Variants in NXN observed in about 807,000 individuals in gnomAD.
The protein encoded by NXN is nucleoredoxin 1.
In NXN, 16 loss-of-function variants were observed where a neutral mutation model predicts 48.6. That is an observed-to-expected ratio of 0.33 (90% confidence interval 0.22 to 0.50). The LOEUF (loss-of-function observed/expected upper bound fraction) is 0.50. Ranked by LOEUF, NXN falls within the 20% of genes least tolerant of loss-of-function variation. The probability of loss-of-function intolerance (pLI) is 0.98; values close to 1 mark genes in which losing one functional copy is unlikely to be tolerated. For synonymous variants in NXN, 281 were observed against 269.6 expected (o/e 1.04, Z -0.41); for missense variants, 492 against 605.5 (o/e 0.81, Z 1.97).
intron 1 of NXN, among the ~76,000 whole-genome samples, chr17:896,208 C>G (rs11247562): frequency 6.6e-6 from 1 of 151,506 alleles, no homozygotes; most frequent in Non-Finnish European, 1.5e-5. Context: ...GGCGTGGTGG[C>G]GCATGCCTGT....
chr17:805,419 A>C (rs1448223148), intron 5 of NXN, among the ~76,000 whole-genome samples, 172 bp from the exon 6 acceptor site: 2 of 152,080 alleles, frequency 1.3e-5, no homozygotes, highest in Non-Finnish European at 1.5e-5. Context: ...CCTGGGGAGA[A>C]TCCAGGCCTG....
chr17:870,715 A>G (rs2068142333), intron 1 of NXN, among the ~76,000 whole-genome samples: 1 of 151,664 alleles, frequency 6.6e-6, no homozygotes, highest in Admixed American at 6.6e-5. Flanking sequence ...CGATTGTGCT[A>G]CTGTATTCAA....
intron 1 of NXN, among the ~76,000 whole-genome samples, chr17:923,072 G>A (rs888571331): frequency 3.9e-5 from 6 of 151,960 alleles, no homozygotes; most frequent in African/African-American, 9.7e-5. Context: ...AAGTTCTCCC[G>A]GACTCTGTCT....
chr17:817,936 G>T (rs1427649365), intron 5 of NXN, among the ~76,000 whole-genome samples: 1 of 151,976 alleles, frequency 6.6e-6, no homozygotes, highest in African/African-American at 2.4e-5. Flanking sequence ...ACACGATAAA[G>T]AATAAAAATA....
chr17:959,245 C>T, intron 1 of NXN: 2 of 816,910 alleles, frequency 2.4e-6, no homozygotes, highest in Non-Finnish European at 3.5e-6. Context: ...CAGCTCCCAG[C>T]CCCTCCAAAG....
At chr17:863,771 A>G (rs1390986207) in intron 1 of NXN, 1 of 624,956 alleles carries the variant, frequency 1.6e-6, no homozygotes, top group Non-Finnish European at 2.8e-6. Context: ...CTGACACTGT[A>G]TTTTTGATTC....
intron 1 of NXN, among the ~76,000 whole-genome samples, chr17:834,629 C>T (rs1036093172): frequency 1.3e-5 from 2 of 151,958 alleles, no homozygotes; most frequent in Admixed American, 6.6e-5. Context: ...TTATGATCCG[C>T]CCACCTTGGC....
intron 1 of NXN, among the ~76,000 whole-genome samples, chr17:955,681 G>T: frequency 6.6e-6 from 1 of 150,638 alleles, no homozygotes; most frequent in South Asian, 2.1e-4. Flanking sequence ...CGGATCACAA[G>T]GTCAGGAGAT....
chr17:924,457 G>C (rs972335104), intron 1 of NXN, among the ~76,000 whole-genome samples: 1 of 152,208 alleles, frequency 6.6e-6, no homozygotes, highest in East Asian at 1.9e-4. Context: ...GGCTGCTCTT[G>C]AACTCCCAAC....
At chr17:810,029 G>A (rs956688746) in intron 5 of NXN, among the ~76,000 whole-genome samples, 9 of 130,600 alleles carry the variant, frequency 6.9e-5, no homozygotes, top group Admixed American at 1.6e-4. Context: ...TGCACGTTAA[G>A]AGTCCGTGTG....
At chr17:979,219 C>T (rs2069503383) in intron 1 of NXN, 100 bp downstream of exon 1, 5 of 536,948 alleles carry the variant, frequency 9.3e-6, no homozygotes, top group Non-Finnish European at 1.1e-5. Flanking sequence ...GGCAGGGGGA[C>T]AACGGGGTTG....
rs532193842 is a variant in NXN, at chr17:943,816, C to T, written c.360+35503G>A. Among the ~76,000 whole-genome samples the T allele has an allele frequency of 1.3e-4, 20 of 148,840 alleles. No individual in the cohort carries two copies. In the East Asian group the frequency reaches 3.8e-3, roughly 29 times the overall value. ...CTCCAGCCTGAGTGACAGAGTATGA[C>T]TCCGTCTCTAAAAAAGGAAAAAAAA... On this transcript the variant is annotated intron_variant, in intron 1 of 7. Coordinates refer to ENST00000336868, the MANE Select transcript of NXN (RefSeq NM_022463.5).
At chr17:943,445 C>T (rs1022828904) in intron 1 of NXN, among the ~76,000 whole-genome samples, 1 of 152,082 alleles carries the variant, frequency 6.6e-6, no homozygotes. Context: ...CCCCACGTGC[C>T]GTAACTTTCT....
chr17:900,495 A>G (rs991262424), intron 1 of NXN, among the ~76,000 whole-genome samples: 1 of 152,108 alleles, frequency 6.6e-6, no homozygotes, highest in African/African-American at 2.4e-5. Flanking sequence ...AGGTACAAAC[A>G]TCAGGAGGAA....
intron 1 of NXN, among the ~76,000 whole-genome samples, chr17:838,980 TCCCCG>T (rs1913983042): frequency 6.6e-6 from 1 of 152,022 alleles, no homozygotes; most frequent in Non-Finnish European, 1.5e-5. Context: ...TGGGTTCAAA[TCCCCG>T]CTCTGCTATG....
chr17:832,007 A>G (rs1466268745), intron 1 of NXN, among the ~76,000 whole-genome samples: 1 of 150,530 alleles, frequency 6.6e-6, no homozygotes, highest in Non-Finnish European at 1.5e-5. Flanking sequence ...AGCAAATGCC[A>G]CCTTGTAACA....
At chr17:882,042 T>TA (rs141208132) in intron 1 of NXN, among the ~76,000 whole-genome samples, 3,469 of 152,260 alleles carry the variant, frequency 0.023, 123 homozygotes, top group African/African-American at 0.079. Flanking sequence ...ATAACAGCTG[T>TA]TCAAACACAC....
At chr17:836,906 C>G (rs11651777) in intron 1 of NXN, among the ~76,000 whole-genome samples, 8 of 152,104 alleles carry the variant, frequency 5.3e-5, no homozygotes, top group African/African-American at 1.9e-4. Context: ...ATCCTCCCAC[C>G]TCAGCCTCCC....
At chr17:824,399 A>G (rs1912985867) in intron 2 of NXN, among the ~76,000 whole-genome samples, 2 of 152,192 alleles carry the variant, frequency 1.3e-5, no homozygotes, top group Non-Finnish European at 2.9e-5. Flanking sequence ...CTGAGGCTGG[A>G]GACCCAGGGG....
Sources: allele counts gnomAD v4.1 joint callset (sites outside exome capture counted in the v4.1 genomes callset), GRCh38; gene constraint gnomAD v4.1.1; transcripts MANE v1.5; gene names NCBI Gene and HGNC (gene_info 2026-07-23, HGNC 2026-07-21).